STK10: variants seen among roughly 807,000 people sequenced by gnomAD.
The protein encoded by STK10 is serine/threonine-protein kinase 10.
Under a neutral mutation model 113.8 loss-of-function variants are expected in STK10, and 78 were observed. That is an observed-to-expected ratio of 0.69 (90% CI 0.57 to 0.83). The LOEUF (loss-of-function observed/expected upper bound fraction) is 0.83, where lower values mean the gene tolerates loss of function less well. STK10 is among the 40% of genes least tolerant of loss of function. STK10 has a pLI of 0.00. For missense variants in STK10, 1,109 were observed against 1,280.1 expected, an observed-to-expected ratio of 0.87 and a Z score of 2.04; for synonymous variants, 465 against 494.7, an observed-to-expected ratio of 0.94 and a Z score of 0.80.
intron 12 of STK10, among the ~76,000 whole-genome samples, chr5:172,071,038 T>C (rs998651478): frequency 6.6e-6 from 1 of 151,408 alleles, no homozygotes; most frequent in African/African-American, 2.4e-5. Context: ...TGAGAGCCCA[T>C]GTCTACTAAA....
intron 1 of STK10, 53 bp from the exon 2 acceptor site, chr5:172,156,841 C>T (rs906161125): frequency 1.3e-6 from 2 of 1,571,922 alleles, no homozygotes; most frequent in African/African-American, 2.7e-5. Flanking sequence ...AGGAAACTGA[C>T]CTTTGGACGT....
At position 172,093,682 on chromosome 5, in the gene STK10, C is replaced by T. The variant is rs1222092418; in HGVS notation, c.1284G>A (p.Lys428=). 2.5e-6 allele frequency: 4 copies of T among 1,614,258 alleles called. No individual in the cohort carries two copies. The highest frequency in any genetic ancestry group is 1.3e-5 in the African/African-American group (1 of 75,066). The part of the protein sequence containing the change: ...MDARIQVAQE[K]QVAEQGGDLS... ...GGTCCCCACCCTGCTCAGCAACTTG[C>T]TTCTCCTGGGCTACCTGAATTCTGG... Residue 428 remains lysine (K), a synonymous_variant, in exon 9 of 19, where the codon AAG becomes AAA. Transcript: ENST00000176763. This position sits in a 1 kb window ranked among gnomAD's most constrained non-coding sequence, Gnocchi z 4.1.
chr5:172,067,003 T>C (rs1468131360), intron 12 of STK10, among the ~76,000 whole-genome samples: 2 of 152,068 alleles, frequency 1.3e-5, no homozygotes, highest in Non-Finnish European at 2.9e-5. Context: ...ACAAAAAACA[T>C]CTACATTCTT....
At chr5:172,107,678 T>TAGCCCACAGGCTGACCGGGC in intron 5 of STK10, 102 bp downstream of exon 5, 4 of 1,075,814 alleles carry the variant, frequency 3.7e-6, no homozygotes, top group Admixed American at 2.2e-5. Context: ...GCAGGGCGTG[T>TAGCCCACAGGCTGACCGGGC]AGCCCTTGTC....
At chr5:172,088,838 T>C (rs2113739941) in intron 10 of STK10, among the ~76,000 whole-genome samples, 1 of 152,270 alleles carries the variant, frequency 6.6e-6, no homozygotes, top group East Asian at 1.9e-4. Flanking sequence ...CCTCATTTGT[T>C]TAAAAAATGT....
chr5:172,178,561 AGC>A (rs1384437024), intron 1 of STK10, among the ~76,000 whole-genome samples: 1 of 152,140 alleles, frequency 6.6e-6, no homozygotes, highest in African/African-American at 2.4e-5. Flanking sequence ...CCGCTGTATG[AGC>A]TACTCAGGCA....
At chr5:172,084,277 G>GT (rs1768500984) in intron 10 of STK10, among the ~76,000 whole-genome samples, 1 of 152,014 alleles carries the variant, frequency 6.6e-6, no homozygotes, top group Non-Finnish European at 1.5e-5. Context: ...GTGCATGCCT[G>GT]TAATCCCAGC....
intron 1 of STK10, among the ~76,000 whole-genome samples, chr5:172,171,072 T>C (rs1488514048): frequency 6.6e-6 from 1 of 152,214 alleles, no homozygotes; most frequent in Non-Finnish European, 1.5e-5. Flanking sequence ...TTAGAGACAG[T>C]ATCAAACCTC....
chr5:172,044,612 C>T lies in STK10; in HGVS notation c.*270G>A, dbSNP rs1767457565. On this transcript the variant is annotated 3_prime_UTR_variant, in exon 19 of 19. Transcript: ENST00000176763. The surrounding 1 kb of genome is among the most constrained non-coding windows in gnomAD (Gnocchi z 4.5). ...CCCTGACCCCACCAACAGCCCCATC[C>T]CTTCCAGCTTGAAGGGATCTGGGGC... 1.9e-6 allele frequency: 1 copy of T among 530,398 alleles called. No homozygotes were observed. Among genetic ancestry groups the T allele is most frequent in the East Asian group, 3.4e-5 (1 of 29,468 alleles). The allele number at this position is 530,398 out of a possible 1,614,324, so 32.9% of individuals were successfully genotyped here.
chr5:172,071,982 C>T (rs1377271206), intron 12 of STK10, among the ~76,000 whole-genome samples: 1 of 152,188 alleles, frequency 6.6e-6, no homozygotes, highest in Non-Finnish European at 1.5e-5. Context: ...CGATATCCTT[C>T]ATGAACACAG....
chr5:172,085,066 G>A (rs1480532957), intron 10 of STK10, among the ~76,000 whole-genome samples: 1 of 151,946 alleles, frequency 6.6e-6, no homozygotes, highest in Non-Finnish European at 1.5e-5. Context: ...GCCACATAGC[G>A]AGACCTCATC....
At chr5:172,067,343 C>T (rs571574363) in intron 12 of STK10, among the ~76,000 whole-genome samples, 18 of 151,462 alleles carry the variant, frequency 1.2e-4, no homozygotes, top group Middle Eastern at 6.8e-3. Context: ...GGCAACAGAG[C>T]AAGACCCTGT....
Position 172,093,859 on chromosome 5 carries a change from G to T in STK10, c.1107C>A (p.Ser369Arg), listed in dbSNP as rs757895464. The T allele has an allele frequency of 9.5e-6, 15 of 1,581,902 alleles. No individual in the cohort carries two copies. Among genetic ancestry groups the T allele is most frequent in the Admixed American group, 1.8e-5 (1 of 56,794 alleles). ...GCTCATTCACACTGTCCTGAGACTG[G>T]CTGGGTGCCAGCGGGGTGGAAGGTG... The part of the protein sequence containing the change: ...EESPSTPLAP[S>R]QSQDSVNEPC... The change falls in exon 9 of 19, where the codon AGC (serine) becomes AGA (arginine). Residue 369 changes from serine to arginine, a missense_variant. Physicochemically the swap from Ser to Arg is moderately radical, Grantham distance 110. Coordinates refer to ENST00000176763, the MANE Select transcript of STK10 (RefSeq NM_005990.4). This position sits in a 1 kb window ranked among gnomAD's most constrained non-coding sequence, Gnocchi z 4.1.
At chr5:172,080,949 C>T (rs1768414542) in intron 12 of STK10, among the ~76,000 whole-genome samples, 2 of 152,198 alleles carry the variant, frequency 1.3e-5, no homozygotes. Context: ...CAATGCCTGG[C>T]TTCAAAGCTT....
chr5:172,137,748 C>T (rs927294149), intron 2 of STK10, among the ~76,000 whole-genome samples: 29 of 147,878 alleles, frequency 2.0e-4, no homozygotes, highest in African/African-American at 6.7e-4. Flanking sequence ...AAAAAATTAG[C>T]CGGGCGTGGT....
chr5:172,062,818 C>T (rs987105481), intron 13 of STK10, among the ~76,000 whole-genome samples: 6 of 152,184 alleles, frequency 3.9e-5, no homozygotes, highest in East Asian at 3.8e-4. Context: ...AGATAGATGG[C>T]GGAGATGGCC....
At chr5:172,110,846 T>C (rs1363084173) in intron 4 of STK10, among the ~76,000 whole-genome samples, 1 of 152,142 alleles carries the variant, frequency 6.6e-6, no homozygotes, top group East Asian at 1.9e-4. Context: ...AGCGAGAAGA[T>C]GGTGATTCTT....
At position 172,144,047 on chromosome 5, in the gene STK10, A is replaced by G. The variant is rs975453350; in HGVS notation, c.321+12577T>C. 2.6e-5 allele frequency among the ~76,000 whole-genome samples: 4 copies of G among 152,262 alleles called. No individual in the cohort carries two copies. The East Asian group carries it at 7.7e-4, about 29-fold the overall frequency. Reference sequence around the variant, plus strand: ...GCTGCCATTACTGAGCCGCTAGTGCATACGTGGCATGGCGCTAAGTGTTTG... The same window carrying G: ...GCTGCCATTACTGAGCCGCTAGTGCGTACGTGGCATGGCGCTAAGTGTTTG... On this transcript the variant is annotated intron_variant, in intron 2 of 18. Coordinates refer to ENST00000176763, the MANE Select transcript of STK10 (RefSeq NM_005990.4).
At chr5:172,124,884 AT>A (rs148455575) in intron 3 of STK10, among the ~76,000 whole-genome samples, 26 of 150,532 alleles carry the variant, frequency 1.7e-4, no homozygotes, top group African/African-American at 5.1e-4. Context: ...GTATATATAT[AT>A]TTTTTTCCCC....
Sources: allele counts gnomAD v4.1 joint callset (sites outside exome capture counted in the v4.1 genomes callset), GRCh38; gene constraint gnomAD v4.1.1; non-coding constraint Gnocchi (gnomAD v3.1); transcripts MANE v1.5; gene names NCBI Gene and HGNC (gene_info 2026-07-23, HGNC 2026-07-21).